GARIN6: variants seen among roughly 807,000 people sequenced by gnomAD.
The protein encoded by GARIN6 is golgi associated RAB2 interactor family member 6.
chr12:99,649,387 A>G, the GARIN6 span: 15 of 1,613,440 alleles, frequency 9.3e-6, no homozygotes, highest in Admixed American at 1.3e-4. Flanking sequence ...TGATTATACA[A>G]TAGAGATATG....
chr12:99,647,952 G>T, the GARIN6 span: 597 of 604,164 alleles, frequency 9.9e-4, 3 homozygotes, highest in Non-Finnish European at 1.6e-3. Flanking sequence ...CACTAAGCAG[G>T]GCACAGTCTG....
At chr12:99,648,458 G>C in the GARIN6 span, 1 of 1,614,168 alleles carries the variant, frequency 6.2e-7, no homozygotes, top group South Asian at 1.1e-5. Flanking sequence ...GCTGCTGTCT[G>C]TGACAATGCC....
the GARIN6 span, chr12:99,648,569 A>G: frequency 1.2e-6 from 2 of 1,614,170 alleles, no homozygotes; most frequent in African/African-American, 1.3e-5. Context: ...ACCATCCACA[A>G]CAGCGTAAAA....
the GARIN6 span, chr12:99,649,231 G>T: frequency 7.7e-7 from 1 of 1,299,164 alleles, no homozygotes. Context: ...TTACCTATAG[G>T]AAGAGAAAGG....
chr12:99,648,310 T>C, the GARIN6 span: 2 of 1,614,020 alleles, frequency 1.2e-6, no homozygotes, highest in African/African-American at 1.3e-5. Context: ...TGCACCCATG[T>C]TTGAGAGCGA....
the GARIN6 span, chr12:99,648,046 AAAAG>A: frequency 1.5e-6 from 2 of 1,346,882 alleles, no homozygotes; most frequent in Non-Finnish European, 1.0e-6. Flanking sequence ...TTGGGGACAA[AAAAG>A]AAAGCCTGCA....
chr12:99,648,773 T>G, the GARIN6 span: 32 of 1,611,230 alleles, frequency 2.0e-5, no homozygotes, highest in Non-Finnish European at 2.5e-5. Context: ...TTGGAGGAAG[T>G]GCAGAGGAGC....
At chr12:99,648,159 T>A in the GARIN6 span, 5 of 1,589,932 alleles carry the variant, frequency 3.1e-6, no homozygotes, top group Non-Finnish European at 4.3e-6. Context: ...GGAACTGTCT[T>A]GATTTAAAGG....
chr12:99,649,172 T>C, the GARIN6 span: 2 of 814,434 alleles, frequency 2.5e-6, no homozygotes, highest in Non-Finnish European at 4.1e-6. Flanking sequence ...TATACATTGG[T>C]GGCAACACAA....
At chr12:99,649,443 C>A in the GARIN6 span, 8 of 1,477,210 alleles carry the variant, frequency 5.4e-6, no homozygotes, top group African/African-American at 1.4e-5. Context: ...AGTTCACACA[C>A]CCCTGCAGTC....
chr12:99,648,346 G>A, the GARIN6 span: 1 of 1,614,214 alleles, frequency 6.2e-7, no homozygotes, highest in Non-Finnish European at 8.5e-7. Context: ...CAAAAGAGGA[G>A]AAGTGATTGA....
At chr12:99,647,917 C>A in the GARIN6 span, 2 of 471,896 alleles carry the variant, frequency 4.2e-6, no homozygotes, top group Non-Finnish European at 7.5e-6. Context: ...AGGGCCCCAA[C>A]ACCTGTGCTC....
chr12:99,648,018 C>T, the GARIN6 span: 6 of 1,009,704 alleles, frequency 5.9e-6, no homozygotes, highest in Non-Finnish European at 8.5e-6. Context: ...ATACCCCACC[C>T]TCCCTGTTCT....
chr12:99,649,441 C>T, the GARIN6 span: 5 of 1,493,284 alleles, frequency 3.3e-6, no homozygotes, highest in Non-Finnish European at 4.7e-6. Context: ...AGAGTTCACA[C>T]ACCCCTGCAG....
the GARIN6 span, chr12:99,648,262 C>T: frequency 6.8e-6 from 11 of 1,613,920 alleles, no homozygotes; most frequent in South Asian, 8.8e-5. Context: ...GAAGCTGCAG[C>T]GGCAACTGTA....
the GARIN6 span, chr12:99,648,370 G>A: frequency 6.2e-7 from 1 of 1,614,158 alleles, no homozygotes; most frequent in Non-Finnish European, 8.5e-7. Context: ...GCACAACCGT[G>A]CCCGAATGGT....
chr12:99,649,555 G>T, the GARIN6 span: 1 of 599,394 alleles, frequency 1.7e-6, no homozygotes, highest in East Asian at 2.8e-5. Flanking sequence ...AACCAAGTCT[G>T]CAGACTCAGG....
At chr12:99,649,328 G>A in the GARIN6 span, 1 of 1,614,152 alleles carries the variant, frequency 6.2e-7, no homozygotes. Flanking sequence ...GAGCAATTCA[G>A]AATCAGTAGA....
chr12:99,649,016 CTCT>C, the GARIN6 span, among the ~76,000 whole-genome samples: 618 of 152,288 alleles, frequency 4.1e-3, 4 homozygotes, highest in African/African-American at 0.014. Context: ...CTGTCAGCAA[CTCT>C]TCATTTTATA....
Sources: allele counts gnomAD v4.1 joint callset (sites outside exome capture counted in the v4.1 genomes callset), GRCh38; gene constraint gnomAD v4.1.1; transcripts MANE v1.5; gene names NCBI Gene and HGNC (gene_info 2026-07-23, HGNC 2026-07-21).